The following CNTNAP2 variants were observed in gnomAD, a reference collection of about 807,000 sequenced individuals.
CNTNAP2 encodes contactin associated protein 2.
A neutral mutation model predicts 155.2 loss-of-function variants in CNTNAP2; 98 were observed. The observed-to-expected ratio is 0.63, with a 90% CI of 0.54 to 0.75. The LOEUF (loss-of-function observed/expected upper bound fraction) is 0.75. Among genes scored for constraint, CNTNAP2 ranks in the 30% least tolerant of loss-of-function variants. The pLI, the probability that CNTNAP2 is intolerant of heterozygous loss-of-function variation, is 0.00. For missense variants in CNTNAP2, 1,727 were observed against 1,688.1 expected (o/e 1.02, Z -0.40); for synonymous variants, 651 against 631.2 (o/e 1.03, Z -0.47).
intron 1 of CNTNAP2, among the ~76,000 whole-genome samples, chr7:146,155,484 A>G (rs936342005): frequency 1.3e-5 from 2 of 152,066 alleles, no homozygotes; most frequent in African/African-American, 2.4e-5. Flanking sequence ...GATAACATAT[A>G]CTTGTTCAAT....
At chr7:147,327,333 A>G (rs957979074) in intron 9 of CNTNAP2, among the ~76,000 whole-genome samples, 1 of 152,198 alleles carries the variant, frequency 6.6e-6, no homozygotes, top group Non-Finnish European at 1.5e-5. Context: ...TTAAGAGTCC[A>G]AGTGGAGATT....
chr7:147,971,055 A>C (rs1399390514), intron 14 of CNTNAP2, among the ~76,000 whole-genome samples: 3 of 152,228 alleles, frequency 2.0e-5, no homozygotes, highest in Non-Finnish European at 4.4e-5. Flanking sequence ...GAATACATAA[A>C]TATAGTGATA....
chr7:148,396,809 C>T (rs762112711), intron 22 of CNTNAP2, among the ~76,000 whole-genome samples: 71 of 152,216 alleles, frequency 4.7e-4, no homozygotes, highest in Admixed American at 6.5e-5. Context: ...CTGAGAGCAA[C>T]GCTGAAAGAC....
intron 1 of CNTNAP2, among the ~76,000 whole-genome samples, chr7:146,469,311 T>A (rs1796759696): frequency 6.6e-6 from 1 of 151,602 alleles, no homozygotes; most frequent in Non-Finnish European, 1.5e-5. Context: ...CCAGTAGCCA[T>A]CCTGCACATC....
chr7:147,301,436 G>A (rs994499654), intron 9 of CNTNAP2, among the ~76,000 whole-genome samples: 5 of 152,026 alleles, frequency 3.3e-5, no homozygotes, highest in Non-Finnish European at 7.4e-5. Context: ...CGCAATGTGA[G>A]ATGTAAAAAA....
intron 20 of CNTNAP2, among the ~76,000 whole-genome samples, chr7:148,230,071 A>C (rs1417391525): frequency 6.6e-6 from 1 of 152,304 alleles, no homozygotes; most frequent in South Asian, 2.1e-4. Flanking sequence ...TACTGCTTTT[A>C]TCCATTGCAC....
At chr7:147,917,494 T>C (rs1800180688) in intron 14 of CNTNAP2, among the ~76,000 whole-genome samples, 1 of 152,220 alleles carries the variant, frequency 6.6e-6, no homozygotes, top group Non-Finnish European at 1.5e-5. Flanking sequence ...CCAGCCATTA[T>C]GCTTCCATTC....
intron 1 of CNTNAP2, among the ~76,000 whole-genome samples, chr7:146,555,000 A>C (rs1798176196): frequency 1.3e-5 from 2 of 152,184 alleles, no homozygotes; most frequent in African/African-American, 4.8e-5. Context: ...TGGGGTAAAG[A>C]GAGGTTAACT....
chr7:146,168,886 C>T (rs1041070010), intron 1 of CNTNAP2, among the ~76,000 whole-genome samples: 1 of 152,142 alleles, frequency 6.6e-6, no homozygotes, highest in Non-Finnish European at 1.5e-5. Context: ...AGGATACAAA[C>T]CAATGTCTTT....
chr7:146,638,807 T>C (rs1799656747), intron 1 of CNTNAP2, among the ~76,000 whole-genome samples: 1 of 152,060 alleles, frequency 6.6e-6, no homozygotes, highest in Non-Finnish European at 1.5e-5. Context: ...ACGATGGGAA[T>C]GTTGTGAGAA....
chr7:147,055,863 C>T (rs1481378224), intron 4 of CNTNAP2, among the ~76,000 whole-genome samples: 1 of 152,072 alleles, frequency 6.6e-6, no homozygotes, highest in Non-Finnish European at 1.5e-5. Flanking sequence ...AGGACATATC[C>T]GCAGGAACAA....
At chr7:146,807,084 G>A (rs1234190504) in intron 2 of CNTNAP2, among the ~76,000 whole-genome samples, 5 of 152,100 alleles carry the variant, frequency 3.3e-5, no homozygotes, top group Non-Finnish European at 7.4e-5. Context: ...GCTTTTGTGA[G>A]CTAATATTTT....
Position 148,137,772 on chromosome 7 carries a change from T to C in CNTNAP2, c.2555-9719T>C, listed in dbSNP as rs180912027. 1.2e-3 allele frequency among the ~76,000 whole-genome samples: 176 copies of C among 152,190 alleles called. 1 individual carries two copies. Among genetic ancestry groups the C allele is most frequent in the African/African-American group, 4.1e-3 (169 of 41,508 alleles). On this transcript the variant is annotated intron_variant, in intron 16 of 23. Coordinates refer to ENST00000361727, the MANE Select transcript of CNTNAP2 (RefSeq NM_014141.6). ...CCTCTCTAATGTCTCTCCATTCCCATTTAAAGTCTCTGTTGATCTGCAGCA... is the reference window on the plus strand; with the variant it reads ...CCTCTCTAATGTCTCTCCATTCCCACTTAAAGTCTCTGTTGATCTGCAGCA...
intron 13 of CNTNAP2, among the ~76,000 whole-genome samples, chr7:147,877,164 T>G (rs982800859): frequency 6.6e-6 from 1 of 152,214 alleles, no homozygotes; most frequent in Admixed American, 6.5e-5. Context: ...GCCATGATCA[T>G]GGAGTGAACC....
intron 2 of CNTNAP2, among the ~76,000 whole-genome samples, chr7:146,814,954 G>T (rs767786289): frequency 2.0e-5 from 3 of 152,080 alleles, no homozygotes; most frequent in Admixed American, 6.6e-5. Flanking sequence ...AAAAGGAAAA[G>T]AAAATTTATG....
intron 1 of CNTNAP2, among the ~76,000 whole-genome samples, chr7:146,291,796 A>T (rs1470786921): frequency 1.3e-5 from 2 of 152,226 alleles, no homozygotes; most frequent in Non-Finnish European, 2.9e-5. Context: ...ACACAGGTGA[A>T]TATCTATGAG....
intron 3 of CNTNAP2, among the ~76,000 whole-genome samples, chr7:146,852,809 A>C (rs1794904879): frequency 6.6e-6 from 1 of 152,188 alleles, no homozygotes; most frequent in South Asian, 2.1e-4. Context: ...TCTTCAGAGA[A>C]GGTTAAGAAA....
At chr7:148,118,015 C>T (rs1422999913) in intron 15 of CNTNAP2, 103 bp from the exon 16 acceptor site, 9 of 1,224,956 alleles carry the variant, frequency 7.3e-6, no homozygotes, top group Non-Finnish European at 1.1e-5. Context: ...AAAATAATGA[C>T]TATTGCTAAT....
At chr7:148,331,560 C>T (rs1490510907) in intron 21 of CNTNAP2, among the ~76,000 whole-genome samples, 127 of 7,968 alleles carry the variant, frequency 0.016, no homozygotes, top group African/African-American at 0.053. Flanking sequence ...ATGGAATGGA[C>T]GGATGGAGTG....
Sources: allele counts gnomAD v4.1 joint callset (sites outside exome capture counted in the v4.1 genomes callset), GRCh38; gene constraint gnomAD v4.1.1; transcripts MANE v1.5; gene names NCBI Gene and HGNC (gene_info 2026-07-23, HGNC 2026-07-21).